Variants in ARPC2 observed in about 807,000 individuals in gnomAD.
ARPC2 encodes actin-related protein 2/3 complex subunit 2.
Under a neutral mutation model 38.6 loss-of-function variants are expected in ARPC2, and 4 were observed. The ratio of observed to expected loss-of-function variants is 0.10; its 90% CI spans 0.05 to 0.24. ARPC2 has a LOEUF of 0.24. Among genes scored for constraint, ARPC2 ranks in the 10% least tolerant of loss-of-function variants. The pLI is 1.00. For synonymous variants in ARPC2, 125 were observed against 140.8 expected, an observed-to-expected ratio of 0.89 and a Z score of 0.79; for missense variants, 229 against 387.3, an observed-to-expected ratio of 0.59 and a Z score of 3.43.
chr2:218,238,789 C>T lies in ARPC2; in HGVS notation c.394C>T (p.Gln132Ter). Residue 132 changes from glutamine to a stop codon, truncating the protein, a stop_gained, in exon 6 of 11, where the codon CAA (glutamine) becomes TAA (stop). Coordinates refer to ENST00000315717, the MANE Select transcript of ARPC2 (RefSeq NM_152862.3). LOFTEE classifies it high-confidence loss of function. ...ASVFEKYFQF[Q>*]EEGKEGENRA... ...TGTCTTTGAAAAATACTTCCAATTC[C>T]AAGAAGAGGGCAAGGAAGGAGAGAA... 6.2e-7 allele frequency: 1 copy of T among 1,613,730 alleles called. No individual in the cohort carries two copies. Among genetic ancestry groups the T allele is most frequent in the Non-Finnish European group, 8.5e-7 (1 of 1,179,888 alleles).
At chr2:218,226,079 G>C in intron 3 of ARPC2, 125 bp downstream of exon 3, 2 of 885,316 alleles carry the variant, frequency 2.3e-6, no homozygotes, top group Admixed American at 2.0e-5. Flanking sequence ...TGGATCACCT[G>C]ATGTCAAGAG....
chr2:218,220,268 G>A (rs949645389), intron 2 of ARPC2, among the ~76,000 whole-genome samples: 11 of 152,184 alleles, frequency 7.2e-5, no homozygotes, highest in South Asian at 2.1e-4. Context: ...AGAATAAACC[G>A]ATGGGGGAAA....
chr2:218,237,108 T>C (rs1661527833), intron 5 of ARPC2, among the ~76,000 whole-genome samples: 1 of 152,208 alleles, frequency 6.6e-6, no homozygotes, highest in Admixed American at 6.5e-5. Flanking sequence ...ATTGATGACC[T>C]GTCATGTTCC....
chr2:218,225,614 ATGT>A (rs1359147290), intron 2 of ARPC2, among the ~76,000 whole-genome samples: 1 of 152,228 alleles, frequency 6.6e-6, no homozygotes, highest in Non-Finnish European at 1.5e-5. Context: ...GGTATATAGC[ATGT>A]TGTTAGGAAA....
Position 218,225,878 on chromosome 2 carries a change from A to G in ARPC2, c.75-42A>G, listed in dbSNP as rs545574244. ...CCAGTTCCCTTTGAAGGTAAGCAGC[A>G]ATACAGTCATCTTAACTGAGGACCT... On this transcript the variant is annotated intron_variant, in intron 2 of 10. Coordinates refer to ENST00000315717, the MANE Select transcript of ARPC2 (RefSeq NM_152862.3). The G allele has an allele frequency of 1.2e-4, 200 of 1,605,260 alleles. No individual in the cohort carries two copies. In the South Asian group the frequency reaches 2.0e-3, roughly 16 times the overall value.
At position 218,217,211 on chromosome 2, in the gene ARPC2, C is replaced by T. The variant is rs1376377832; in HGVS notation, c.-52C>T. 5 of 434,176 alleles carry T rather than the reference C, an allele frequency of 1.2e-5. No individual in the cohort carries two copies. The highest frequency in any genetic ancestry group is 4.3e-5 in the East Asian group (1 of 23,408). 26.9% of individuals were successfully genotyped at this position (434,176 alleles called of 1,614,324 possible). Reference sequence around the variant, plus strand: ...CTTGTCGGTGAAGCGGCAGTGGCGGCGGCGGCGGCGGCTCGGCAGGCGGGT... The same window carrying T: ...CTTGTCGGTGAAGCGGCAGTGGCGGTGGCGGCGGCGGCTCGGCAGGCGGGT... On this transcript the variant is annotated 5_prime_UTR_variant, in exon 1 of 11. Transcript: ENST00000315717.
intron 5 of ARPC2, chr2:218,234,855 A>G (rs748229776): frequency 2.4e-5 from 11 of 456,940 alleles, no homozygotes; most frequent in South Asian, 1.7e-4. Flanking sequence ...CCAGTCTTCT[A>G]ATAGGTTGTC....
At chr2:218,239,268 A>C in intron 6 of ARPC2, 123 bp from the exon 7 acceptor site, 1 of 682,336 alleles carries the variant, frequency 1.5e-6, no homozygotes, top group South Asian at 2.0e-5. Flanking sequence ...CTCATTTGGC[A>C]CACCTTTATA....
At chr2:218,234,832 AC>A in intron 5 of ARPC2, 1 of 457,640 alleles carries the variant, frequency 2.2e-6, no homozygotes, top group South Asian at 1.5e-5. Flanking sequence ...TAAAAATCAG[AC>A]CCTTTCTTAA....
At chr2:218,252,620 G>GGGAAGCCTGACCT (rs1690218309) in intron 10 of ARPC2, among the ~76,000 whole-genome samples, 1 of 152,208 alleles carries the variant, frequency 6.6e-6, no homozygotes, top group African/African-American at 2.4e-5. Flanking sequence ...TACAGTGAGA[G>GGGAAGCCTGACCT]GGAAGCCTGA....
Position 218,249,769 on chromosome 2 carries a change from C to T in ARPC2, c.778-52C>T, listed in dbSNP as rs925901630. On this transcript the variant is annotated intron_variant, in intron 9 of 10. Coordinates refer to ENST00000315717, the MANE Select transcript of ARPC2 (RefSeq NM_152862.3). ...ACCTCTCTGATGAAAGACAGCAAAGCTGTCTTTCTAGACCATGACTGTGCT... is the reference window on the plus strand; with the variant it reads ...ACCTCTCTGATGAAAGACAGCAAAGTTGTCTTTCTAGACCATGACTGTGCT... 10 of 1,526,260 alleles carry T rather than the reference C, an allele frequency of 6.6e-6. No individual in the cohort carries two copies. In the African/African-American group the frequency reaches 1.2e-4, roughly 19 times the overall value. The allele number at this position is 1,526,260 out of a possible 1,614,324, so 94.5% of individuals were successfully genotyped here. A position where few individuals can be genotyped will look rare whatever the true frequency, so the allele number is the denominator to read the frequency against.
intron 4 of ARPC2, chr2:218,229,336 C>T (rs928287775): frequency 6.6e-6 from 1 of 152,588 alleles, no homozygotes; most frequent in African/African-American, 2.4e-5. Context: ...GAAAGATGTC[C>T]AGACATTATG....
chr2:218,232,349 A>C (rs1311673064), intron 4 of ARPC2, among the ~76,000 whole-genome samples: 1 of 152,194 alleles, frequency 6.6e-6, no homozygotes, highest in Non-Finnish European at 1.5e-5. Context: ...AGAAAAAAAT[A>C]GGGAGTCTCA....
At chr2:218,245,749 G>A (rs951283863) in intron 8 of ARPC2, among the ~76,000 whole-genome samples, 4 of 152,152 alleles carry the variant, frequency 2.6e-5, no homozygotes, top group Non-Finnish European at 5.9e-5. Context: ...TTTTTGTACA[G>A]TAATCCTTTC....
At chr2:218,249,217 A>G (rs1488347447) in intron 8 of ARPC2, 147 bp from the exon 9 acceptor site, 1 of 601,274 alleles carries the variant, frequency 1.7e-6, no homozygotes. Context: ...CCATGTCAAG[A>G]AAAAACCCTG....
intron 2 of ARPC2, among the ~76,000 whole-genome samples, chr2:218,221,262 G>A (rs1432313116): frequency 6.6e-6 from 1 of 152,226 alleles, no homozygotes; most frequent in Non-Finnish European, 1.5e-5. Flanking sequence ...TAAGCAAGCA[G>A]TGCCAGTTGG....
chr2:218,228,677 G>T, intron 3 of ARPC2, 61 bp from the exon 4 acceptor site: 1 of 1,052,488 alleles, frequency 9.5e-7, no homozygotes, highest in South Asian at 1.3e-5. Flanking sequence ...CAAGGTAGGC[G>T]CTTGGAGAGA....
intron 7 of ARPC2, among the ~76,000 whole-genome samples, chr2:218,242,648 T>G (rs1689942189): frequency 6.6e-6 from 1 of 152,190 alleles, no homozygotes; most frequent in Non-Finnish European, 1.5e-5. Flanking sequence ...TTTCCCAGAG[T>G]ATGTTGTAAA....
rs1467498327 is a variant in ARPC2, at chr2:218,238,647, T to G, written c.269-17T>G. ...TGCTGGGTTGTTTTTTGTTTCTTGTTTTTTCTTTCCCTCCAGGATACAATG... is the reference window on the plus strand; with the variant it reads ...TGCTGGGTTGTTTTTTGTTTCTTGTGTTTTCTTTCCCTCCAGGATACAATG... On this transcript the variant is annotated splice_polypyrimidine_tract_variant and intron_variant, in intron 5 of 10. Coordinates refer to ENST00000315717, the MANE Select transcript of ARPC2 (RefSeq NM_152862.3). 2 of 1,518,936 alleles carry G rather than the reference T, an allele frequency of 1.3e-6. No homozygotes were observed. The highest frequency in any genetic ancestry group is 1.8e-6 in the Non-Finnish European group (2 of 1,129,052). 94.1% of individuals were successfully genotyped at this position (1,518,936 alleles called of 1,614,324 possible).
Sources: gnomAD v4.1 joint callset for allele counts (sites outside exome capture counted in the v4.1 genomes callset) on GRCh38, gnomAD v4.1.1 for gene constraint, MANE v1.5 for transcripts, NCBI Gene and HGNC (gene_info 2026-07-23, HGNC 2026-07-21) for gene names.